The following PCDHA12 variants were observed in gnomAD, a reference collection of about 807,000 sequenced individuals.
PCDHA12 encodes protocadherin alpha-12.
In PCDHA12, 44 loss-of-function variants were observed where a neutral mutation model predicts 60.0. The observed-to-expected ratio is 0.73, with a 90% CI of 0.58 to 0.94. The LOEUF is 0.94. Ranked by LOEUF, PCDHA12 falls within the 40% of genes least tolerant of loss-of-function variation. The pLI, the probability that PCDHA12 is intolerant of heterozygous loss-of-function variation, is 0.00. For missense variants in PCDHA12, 1,276 were observed against 1,239.7 expected (o/e 1.03, Z -0.44); for synonymous variants, 569 against 553.0 (o/e 1.03, Z -0.40).
chr5:140,909,202 G>A (rs1849054), intron 1 of PCDHA12, among the ~76,000 whole-genome samples: 48,059 of 152,084 alleles, frequency 0.32, 7,957 homozygotes, highest in East Asian at 0.53. Context: ...ACACAAAGCC[G>A]GAGAGTTGAT....
At chr5:140,903,927 G>A (rs1202330297) in intron 1 of PCDHA12, among the ~76,000 whole-genome samples, 1 of 152,158 alleles carries the variant, frequency 6.6e-6, no homozygotes, top group Non-Finnish European at 1.5e-5. Context: ...TGCTGCATTG[G>A]ATAATACCTC....
Position 140,952,580 on chromosome 5 carries a change from A to G in PCDHA12, c.2368-26369A>G, listed in dbSNP as rs538999222. ...ATCAGCACTTCGGTCCCAATCATTCAAGTAGTCTCTAGGAAGTTCTAAGCT... is the reference window on the plus strand; with the variant it reads ...ATCAGCACTTCGGTCCCAATCATTCGAGTAGTCTCTAGGAAGTTCTAAGCT... On this transcript the variant is annotated intron_variant, in intron 1 of 3. Transcript: ENST00000398631. Among the ~76,000 whole-genome samples the G allele has an allele frequency of 2.0e-4, 30 of 152,248 alleles. No homozygotes were observed. In the South Asian group the frequency reaches 2.3e-3, roughly 12 times the overall value.
At chr5:140,919,516 A>G (rs1207061379) in intron 1 of PCDHA12, among the ~76,000 whole-genome samples, 2 of 152,078 alleles carry the variant, frequency 1.3e-5, no homozygotes. Flanking sequence ...TATATGTTTT[A>G]ATTCTCTTTT....
intron 1 of PCDHA12, among the ~76,000 whole-genome samples, chr5:140,911,222 T>G (rs2075377398): frequency 6.6e-6 from 1 of 152,204 alleles, no homozygotes; most frequent in African/African-American, 2.4e-5. Flanking sequence ...ATGAGAAAGC[T>G]GTTTCTTCTG....
intron 1 of PCDHA12, chr5:140,930,281 A>G (rs1554207692): frequency 6.6e-6 from 1 of 152,242 alleles, no homozygotes; most frequent in Non-Finnish European, 1.5e-5. Flanking sequence ...TAGGGGACAA[A>G]TACACTTAAC....
chr5:140,974,396 G>C (rs1413050341), intron 1 of PCDHA12, among the ~76,000 whole-genome samples: 1 of 152,178 alleles, frequency 6.6e-6, no homozygotes, highest in Admixed American at 6.5e-5. Context: ...CATTAGGTAT[G>C]TTCTAAAGTT....
intron 1 of PCDHA12, among the ~76,000 whole-genome samples, chr5:140,890,160 C>T (rs1554184178): frequency 1.3e-5 from 2 of 152,246 alleles, no homozygotes; most frequent in East Asian, 3.9e-4. Context: ...AGTATTTCTG[C>T]CACAGAAATA....
Position 140,927,842 on chromosome 5 carries a change from T to C in PCDHA12, c.2367+50003T>C, listed in dbSNP as rs201721848. 1.9e-6 allele frequency: 3 copies of C among 1,614,140 alleles called. No individual in the cohort carries two copies. The African/African-American group carries it at 4.0e-5, about 22-fold the overall frequency. On this transcript the variant is annotated intron_variant, in intron 1 of 3. Transcript: ENST00000398631. ...TACATTGAGGCGAGGGACGAAGGTG[T>C]CTTTGGTTTAGCTAGCACCGCTAAA... is the stretch of plus-strand genomic sequence containing the variant.
At position 140,960,310 on chromosome 5, in the gene PCDHA12, C is replaced by A. The variant is rs143765051; in HGVS notation, c.2368-18639C>A. Among the ~76,000 whole-genome samples, 659 of 152,264 alleles carry A rather than the reference C, an allele frequency of 4.3e-3. 9 individuals are homozygous for A. Among genetic ancestry groups the A allele is most frequent in the Admixed American group, 4.1e-3 (63 of 15,288 alleles). ...CCAGTTTCTTCATCAATACCAACCTCATTAGGGTCCTGTGAGAAGTACATG... is the reference window on the plus strand; with the variant it reads ...CCAGTTTCTTCATCAATACCAACCTAATTAGGGTCCTGTGAGAAGTACATG... On this transcript the variant is annotated intron_variant, in intron 1 of 3. Transcript: ENST00000398631.
intron 1 of PCDHA12, among the ~76,000 whole-genome samples, chr5:140,961,059 G>A (rs2095587077): frequency 6.6e-6 from 1 of 152,076 alleles, no homozygotes; most frequent in African/African-American, 2.4e-5. Flanking sequence ...AATGTTGAAT[G>A]GGATATCTGG....
rs527823173 is a variant in PCDHA12 at position 140,877,291 on chromosome 5, C to T, written c.1819C>T (p.Leu607=). Residue 607 remains leucine, a synonymous_variant, in exon 1 of 4, where the codon CTG becomes TTG. Transcript: ENST00000398631. Reference sequence around the variant, plus strand: ...CGCTGACTCCGGCTATAACGCTTGGCTGTCCTACGAGTTGCAACCGGCGGC... The same window carrying T: ...CGCTGACTCCGGCTATAACGCTTGGTTGTCCTACGAGTTGCAACCGGCGGC... ...VDADSGYNAW[L]SYELQPAAVG... 6.2e-7 allele frequency: 1 copy of T among 1,613,932 alleles called. No homozygotes were observed. The highest frequency in any genetic ancestry group is 8.5e-7 in the Non-Finnish European group (1 of 1,179,858).
At position 140,877,515 on chromosome 5, in the gene PCDHA12, G is replaced by A. The variant is rs371100299; in HGVS notation, c.2043G>A (p.Arg681=). Residue 681 remains arginine (R), a synonymous_variant, in exon 1 of 4, where the codon CGG becomes CGA. Coordinates refer to ENST00000398631, the MANE Select transcript of PCDHA12 (RefSeq NM_018903.4). ...ENGQAPKTSS[R]ASVGAVDPEA... is the part of the protein sequence containing the mutation. Reference sequence around the variant, plus strand: ...GCCAGGCCCCAAAGACGTCGTCGCGGGCCTCAGTGGGCGCTGTGGATCCCG... The same window carrying A: ...GCCAGGCCCCAAAGACGTCGTCGCGAGCCTCAGTGGGCGCTGTGGATCCCG... 1.1e-4 allele frequency: 177 copies of A among 1,613,796 alleles called. No homozygotes were observed. The highest frequency in any genetic ancestry group is 4.8e-4 in the Admixed American group (29 of 60,032).
chr5:140,990,524 G>T (rs782064217), intron 3 of PCDHA12, among the ~76,000 whole-genome samples: 2 of 151,978 alleles, frequency 1.3e-5, no homozygotes, highest in Non-Finnish European at 2.9e-5. Flanking sequence ...TGTCTTTTTT[G>T]ACTGTGCATC....
intron 1 of PCDHA12, among the ~76,000 whole-genome samples, chr5:140,901,442 T>G (rs1490397176): frequency 6.6e-6 from 1 of 152,206 alleles, no homozygotes; most frequent in Non-Finnish European, 1.5e-5. Flanking sequence ...GATATCTAGT[T>G]TCCCAGCACA....
chr5:140,883,534 A>G, intron 1 of PCDHA12: 1 of 1,614,196 alleles, frequency 6.2e-7, no homozygotes, highest in Non-Finnish European at 8.5e-7. Context: ...CAGCCTATGA[A>G]CTGGTGGTGA....
At chr5:140,966,603 G>A (rs567686852) in intron 1 of PCDHA12, 9 of 656,454 alleles carry the variant, frequency 1.4e-5, no homozygotes, top group African/African-American at 1.3e-4. Flanking sequence ...AGGAGCCCTT[G>A]GGAGGGCCTA....
chr5:140,882,189 T>C, intron 1 of PCDHA12: 2 of 1,519,304 alleles, frequency 1.3e-6, no homozygotes, highest in Admixed American at 2.2e-5. Flanking sequence ...TAGGAAGCCA[T>C]AAAAATTGGG....
rs185275722 is a variant in PCDHA12 at position 140,880,200 on chromosome 5, G to A, written c.2367+2361G>A. Among the ~76,000 whole-genome samples the A allele has an allele frequency of 2.9e-3, 441 of 152,242 alleles. 2 individuals are homozygous for A. The highest frequency in any genetic ancestry group is 9.7e-3 in the African/African-American group (402 of 41,548). ...TGAAGGGAAAAAGATAAACAGAAGA[G>A]GTTTTCCACCAGAAGTAGAACATTT... is the stretch of plus-strand genomic sequence containing the variant. On this transcript the variant is annotated intron_variant, in intron 1 of 3. Coordinates refer to ENST00000398631, the MANE Select transcript of PCDHA12 (RefSeq NM_018903.4).
chr5:140,943,640 A>G (rs1288085106), intron 1 of PCDHA12, among the ~76,000 whole-genome samples: 1 of 152,224 alleles, frequency 6.6e-6, no homozygotes, highest in African/African-American at 2.4e-5. Context: ...TGGATTATGG[A>G]TAAAACCATC....
Sources: gnomAD v4.1 joint callset for allele counts (sites outside exome capture counted in the v4.1 genomes callset) on GRCh38, gnomAD v4.1.1 for gene constraint, MANE v1.5 for transcripts, NCBI Gene and HGNC (gene_info 2026-07-23, HGNC 2026-07-21) for gene names.